FUT9: variants seen among roughly 807,000 people sequenced by gnomAD.
The protein encoded by FUT9 is 4-galactosyl-N-acetylglucosaminide 3-alpha-L-fucosyltransferase 9.
FUT9 carries 15 observed loss-of-function variants against 29.7 expected under a neutral mutation model. The ratio of observed to expected loss-of-function variants is 0.51; its 90% CI spans 0.34 to 0.78. The LOEUF is 0.78. Among genes scored for constraint, FUT9 ranks in the 30% least tolerant of loss-of-function variants. The pLI, the probability that FUT9 is intolerant of heterozygous loss-of-function variation, is 0.01. For synonymous variants in FUT9, 169 were observed against 153.7 expected (o/e 1.10, Z -0.74); for missense variants, 319 against 425.4 (o/e 0.75, Z 2.20).
chr6:96,104,898 G>C (rs1375895506), intron 1 of FUT9, among the ~76,000 whole-genome samples: 6 of 152,126 alleles, frequency 3.9e-5, no homozygotes, highest in Non-Finnish European at 2.9e-5. Context: ...TTTTTGGCAG[G>C]TACAGATTTT....
chr6:96,147,369 G>T (rs1248421991), intron 2 of FUT9, among the ~76,000 whole-genome samples: 5 of 151,780 alleles, frequency 3.3e-5, no homozygotes, highest in Non-Finnish European at 7.4e-5. Flanking sequence ...GGGTTTCACC[G>T]TATTGGCCAG....
intron 1 of FUT9, among the ~76,000 whole-genome samples, chr6:96,062,792 T>TA (rs1343673822): frequency 4.6e-5 from 7 of 151,930 alleles, no homozygotes; most frequent in Admixed American, 1.3e-4. Context: ...TTCCCCTTTG[T>TA]AAAAAAAGAA....
chr6:96,188,770 A>C (rs1277199253), intron 2 of FUT9, among the ~76,000 whole-genome samples: 1 of 151,546 alleles, frequency 6.6e-6, no homozygotes, highest in Non-Finnish European at 1.5e-5. Flanking sequence ...TGAAAATTAA[A>C]TGGTAAAATT....
chr6:96,072,587 G>A (rs541621960), intron 1 of FUT9, among the ~76,000 whole-genome samples: 6 of 152,222 alleles, frequency 3.9e-5, no homozygotes, highest in Admixed American at 1.3e-4. Flanking sequence ...AGCTTGGCAC[G>A]TACCTCTATG....
chr6:96,016,941 C>A (rs1223718236), intron 1 of FUT9, among the ~76,000 whole-genome samples: 1 of 152,156 alleles, frequency 6.6e-6, no homozygotes, highest in Non-Finnish European at 1.5e-5. Flanking sequence ...TGTTTTAAAG[C>A]GCAGAACTAT....
chr6:96,172,959 A>G (rs895598054), intron 2 of FUT9, among the ~76,000 whole-genome samples: 2 of 152,168 alleles, frequency 1.3e-5, no homozygotes, highest in Non-Finnish European at 2.9e-5. Flanking sequence ...CATTTTTATA[A>G]GGCTGGAGTC....
intron 2 of FUT9, among the ~76,000 whole-genome samples, chr6:96,155,948 G>A (rs1431172771): frequency 6.6e-6 from 1 of 152,134 alleles, no homozygotes; most frequent in Non-Finnish European, 1.5e-5. Context: ...ACAGAATGGT[G>A]GTTTGTTTGC....
intron 1 of FUT9, among the ~76,000 whole-genome samples, chr6:96,096,153 C>T (rs1461440003): frequency 6.6e-6 from 1 of 151,980 alleles, no homozygotes; most frequent in East Asian, 1.9e-4. Context: ...ACTCTTAAAC[C>T]AGGCAAGCTT....
chr6:96,116,472 AC>A (rs1334371526), intron 2 of FUT9, among the ~76,000 whole-genome samples: 3 of 152,350 alleles, frequency 2.0e-5, no homozygotes, highest in South Asian at 2.1e-4. Context: ...ACACAAAAAA[AC>A]AATATGGGAA....
chr6:96,138,925 A>G (rs1343853855), intron 2 of FUT9, among the ~76,000 whole-genome samples: 1 of 152,170 alleles, frequency 6.6e-6, no homozygotes, highest in South Asian at 2.1e-4. Context: ...GGCAGAGATC[A>G]CCCTTTTGGA....
intron 1 of FUT9, among the ~76,000 whole-genome samples, chr6:96,090,174 A>G (rs1771386981): frequency 1.3e-5 from 2 of 152,128 alleles, no homozygotes. Flanking sequence ...GATACATACA[A>G]TTTTTTGGGG....
intron 2 of FUT9, among the ~76,000 whole-genome samples, chr6:96,121,553 C>A (rs1447061062): frequency 6.6e-6 from 1 of 152,084 alleles, no homozygotes; most frequent in East Asian, 1.9e-4. Context: ...TAAAACCATG[C>A]ATATTAACCC....
chr6:96,196,016 T>C (rs1173031652), intron 2 of FUT9, among the ~76,000 whole-genome samples: 1 of 152,164 alleles, frequency 6.6e-6, no homozygotes, highest in Non-Finnish European at 1.5e-5. Flanking sequence ...TTGTGGGGTG[T>C]TTTGGCTTAT....
chr6:96,066,678 C>T (rs1030372704), intron 1 of FUT9, among the ~76,000 whole-genome samples: 2 of 151,918 alleles, frequency 1.3e-5, no homozygotes, highest in Non-Finnish European at 1.5e-5. Flanking sequence ...AAGCAAGCCC[C>T]CAATAATTAG....
chr6:96,130,135 TATA>T (rs1772214593), intron 2 of FUT9, among the ~76,000 whole-genome samples: 1 of 152,028 alleles, frequency 6.6e-6, no homozygotes, highest in Non-Finnish European at 1.5e-5. Flanking sequence ...TTTTTAACTT[TATA>T]TTTGAAAAGT....
At chr6:96,091,552 G>A (rs768235870) in intron 1 of FUT9, among the ~76,000 whole-genome samples, 2 of 152,012 alleles carry the variant, frequency 1.3e-5, no homozygotes, top group African/African-American at 2.4e-5. Context: ...GTATGACAAT[G>A]GTATTGCAGT....
At position 96,195,148 on chromosome 6, in the gene FUT9, T is replaced by C. The variant is rs1280224373; in HGVS notation, c.-8-8000T>C. ...TACAGGAAAAGCGGTAGTTGGCAGC[T>C]CTCTTGCCAGTAGAAACAAACGTCT... On this transcript the variant is annotated intron_variant, in intron 2 of 2. Transcript: ENST00000302103. Among the ~76,000 whole-genome samples the C allele has an allele frequency of 3.3e-5, 5 of 152,010 alleles. No individual in the cohort carries two copies. The South Asian group carries it at 1.0e-3, about 32-fold the overall frequency.
In FUT9 at chr6:96,206,114, C is replaced by G. The variant is rs906031446; in HGVS notation, c.*1879C>G. The G allele has an allele frequency of 3.0e-5, 5 of 167,018 alleles. No individual in the cohort carries two copies. The highest frequency in any genetic ancestry group is 4.8e-5 in the African/African-American group (2 of 41,524). 10.3% of individuals were successfully genotyped at this position (167,018 alleles called of 1,614,324 possible). On this transcript the variant is annotated 3_prime_UTR_variant, in exon 3 of 3. Coordinates refer to ENST00000302103, the MANE Select transcript of FUT9 (RefSeq NM_006581.4). The stretch of plus-strand genomic sequence containing the variant: ...GACTGTTTATATGCATGTGCTACTC[C>G]GAATGACGTTTGTATGGGTCAATGC...
At chr6:96,120,269 C>CTTTTTTTTTTTTTTT (rs11347804) in intron 2 of FUT9, among the ~76,000 whole-genome samples, 9 of 91,470 alleles carry the variant, frequency 9.8e-5, no homozygotes, top group South Asian at 9.2e-4. Flanking sequence ...TTTTTTCTTT[C>CTTTTTTTTTTTTTTT]TTTTTTTTTT....
Sources: gnomAD v4.1 joint callset for allele counts (sites outside exome capture counted in the v4.1 genomes callset) on GRCh38, gnomAD v4.1.1 for gene constraint, MANE v1.5 for transcripts, NCBI Gene and HGNC (gene_info 2026-07-23, HGNC 2026-07-21) for gene names.